Variants in GPHN observed in about 807,000 individuals in gnomAD.
GPHN encodes gephyrin.
In GPHN, 17 loss-of-function variants were observed where a neutral mutation model predicts 95.5. The observed-to-expected ratio is 0.18, with a 90% confidence interval of 0.12 to 0.27. The LOEUF is 0.27. GPHN is among the 10% of genes least tolerant of loss of function. The pLI, the probability that GPHN is intolerant of heterozygous loss-of-function variation, is 1.00. For missense variants in GPHN, 660 were observed against 978.1 expected (o/e 0.67, Z 4.34); for synonymous variants, 320 against 322.5 (o/e 0.99, Z 0.08).
chr14:66,820,784 G>A (rs769496790), intron 3 of GPHN, among the ~76,000 whole-genome samples: 3 of 152,018 alleles, frequency 2.0e-5, no homozygotes, highest in Non-Finnish European at 2.9e-5. Flanking sequence ...TGAGACTTAC[G>A]AAGCTATGTT....
the GPHN span, chr14:67,382,607 C>A: frequency 1.1e-5 from 17 of 1,613,454 alleles, no homozygotes; most frequent in South Asian, 1.8e-4. Flanking sequence ...TCAATAGATT[C>A]ATTTTTAATA....
chr14:66,628,116 TA>T (rs2063591066), intron 1 of GPHN, among the ~76,000 whole-genome samples: 1 of 152,150 alleles, frequency 6.6e-6, no homozygotes, highest in Non-Finnish European at 1.5e-5. Flanking sequence ...ATCAGGGATC[TA>T]AGTTGCAGAA....
chr14:67,022,920 T>A (rs1567223163), intron 9 of GPHN, among the ~76,000 whole-genome samples: 1 of 152,068 alleles, frequency 6.6e-6, no homozygotes, highest in Non-Finnish European at 1.5e-5. Flanking sequence ...TTTAAAAGAA[T>A]GTTTCACATT....
At chr14:66,848,546 T>G (rs1433616136) in intron 4 of GPHN, among the ~76,000 whole-genome samples, 1 of 152,080 alleles carries the variant, frequency 6.6e-6, no homozygotes, top group African/African-American at 2.4e-5. Context: ...AAATTTCTCG[T>G]TACTTTCTCG....
At chr14:66,529,695 T>C (rs1169220591) in intron 1 of GPHN, among the ~76,000 whole-genome samples, 1 of 152,206 alleles carries the variant, frequency 6.6e-6, no homozygotes, top group Non-Finnish European at 1.5e-5. Context: ...CCTTTCTGTT[T>C]GTTAGTTTTC....
the GPHN span, among the ~76,000 whole-genome samples, chr14:67,493,902 ATTTTT>A: frequency 1.3e-5 from 2 of 151,588 alleles, no homozygotes; most frequent in Non-Finnish European, 2.9e-5. Flanking sequence ...TTTAAAAATA[ATTTTT>A]TTTTAATTGA....
the GPHN span, chr14:67,678,311 G>A: frequency 6.4e-7 from 1 of 1,562,210 alleles, no homozygotes. Context: ...GGTCCAACTG[G>A]CACTGCCTGT....
At chr14:67,732,939 T>C in the GPHN span, among the ~76,000 whole-genome samples, 5 of 151,952 alleles carry the variant, frequency 3.3e-5, no homozygotes, top group Non-Finnish European at 7.4e-5. Flanking sequence ...ACAGGACTTT[T>C]ATAATTAGAA....
At chr14:67,149,245 G>C (rs1318401916) in intron 18 of GPHN, among the ~76,000 whole-genome samples, 1 of 152,212 alleles carries the variant, frequency 6.6e-6, no homozygotes, top group Non-Finnish European at 1.5e-5. Flanking sequence ...CTGGGAGGCT[G>C]AGGCAGGAGA....
chr14:66,980,358 A>G (rs1304379476), intron 9 of GPHN, among the ~76,000 whole-genome samples: 1 of 152,194 alleles, frequency 6.6e-6, no homozygotes, highest in African/African-American at 2.4e-5. Flanking sequence ...AAATTTTATC[A>G]TATTTCAGTG....
chr14:67,705,921 A>G, the GPHN span: 1 of 152,238 alleles, frequency 6.6e-6, no homozygotes, highest in Non-Finnish European at 1.5e-5. Flanking sequence ...AAAAAATATC[A>G]TTAACTATGT....
At chr14:67,303,438 C>T in the GPHN span, 5 of 1,075,068 alleles carry the variant, frequency 4.7e-6, no homozygotes, top group Middle Eastern at 2.4e-4. Context: ...TGAAATAGTC[C>T]AGTTTAGGGA....
chr14:67,727,037 C>G, the GPHN span: 4 of 1,613,834 alleles, frequency 2.5e-6, no homozygotes, highest in East Asian at 4.5e-5. Flanking sequence ...TGCCCCTGCA[C>G]GGGTGGTTAA....
chr14:67,662,735 C>T, the GPHN span, among the ~76,000 whole-genome samples: 1 of 152,060 alleles, frequency 6.6e-6, no homozygotes, highest in African/African-American at 2.4e-5. Flanking sequence ...GAAACCCCAT[C>T]TCTACTAACG....
At chr14:66,968,693 T>C (rs905158011) in intron 9 of GPHN, among the ~76,000 whole-genome samples, 2 of 152,140 alleles carry the variant, frequency 1.3e-5, no homozygotes, top group African/African-American at 4.8e-5. Context: ...TTTGTGTCTA[T>C]TATTTGACTG....
At chr14:66,675,283 T>A (rs2066523993) in intron 1 of GPHN, among the ~76,000 whole-genome samples, 1 of 151,858 alleles carries the variant, frequency 6.6e-6, no homozygotes, top group Non-Finnish European at 1.5e-5. Flanking sequence ...AGCTGGGGAC[T>A]ATAGGCACGT....
At chr14:66,586,151 CT>C (rs2061410306) in intron 1 of GPHN, among the ~76,000 whole-genome samples, 1 of 151,706 alleles carries the variant, frequency 6.6e-6, no homozygotes, top group Non-Finnish European at 1.5e-5. Flanking sequence ...TAATGGCCTT[CT>C]TTGTCTCTTT....
chr14:66,808,626 A>G (rs2060643937), intron 3 of GPHN, among the ~76,000 whole-genome samples: 1 of 152,152 alleles, frequency 6.6e-6, no homozygotes, highest in African/African-American at 2.4e-5. Context: ...GTGAAACCCC[A>G]TCTCTAATAA....
At chr14:67,421,263 C>T in the GPHN span, among the ~76,000 whole-genome samples, 1 of 152,128 alleles carries the variant, frequency 6.6e-6, no homozygotes. Context: ...CAAAGTTAAC[C>T]ATGTAAAGCA....
Sources: allele counts gnomAD v4.1 joint callset (sites outside exome capture counted in the v4.1 genomes callset), GRCh38; gene constraint gnomAD v4.1.1; transcripts MANE v1.5; gene names NCBI Gene and HGNC (gene_info 2026-07-23, HGNC 2026-07-21).